Variants in PRR5L observed in about 807,000 individuals in gnomAD.
PRR5L encodes the protein proline rich 5 like.
Under a neutral mutation model 36.4 loss-of-function variants are expected in PRR5L, and 21 were observed. The ratio of observed to expected loss-of-function variants is 0.58; its 90% CI spans 0.41 to 0.83. PRR5L has a LOEUF of 0.83. PRR5L is among the 40% of genes least tolerant of loss of function. The pLI is 0.00. For missense variants in PRR5L, 381 were observed against 473.3 expected, an observed-to-expected ratio of 0.80 and a Z score of 1.81; for synonymous variants, 188 against 197.0, an observed-to-expected ratio of 0.95 and a Z score of 0.38.
At chr11:36,438,155 T>A (rs1858643812) in intron 6 of PRR5L, among the ~76,000 whole-genome samples, 1 of 152,200 alleles carries the variant, frequency 6.6e-6, no homozygotes, top group African/African-American at 2.4e-5. Flanking sequence ...CCCCCTTGTC[T>A]CTGTAGAGCT....
At chr11:36,378,650 G>GAAAT (rs1220586575) in intron 1 of PRR5L, among the ~76,000 whole-genome samples, 2 of 152,152 alleles carry the variant, frequency 1.3e-5, no homozygotes, top group Non-Finnish European at 1.5e-5. Context: ...TTCTGTGGGT[G>GAAAT]AAATTTCAAT....
At chr11:36,437,599 A>G (rs1459165078) in intron 6 of PRR5L, 123 bp downstream of exon 6, 2 of 628,774 alleles carry the variant, frequency 3.2e-6, no homozygotes, top group Admixed American at 5.9e-5. Flanking sequence ...TGTATTGGTT[A>G]AGGAGTTTAG....
At chr11:36,394,665 T>C (rs982309851) in intron 1 of PRR5L, among the ~76,000 whole-genome samples, 1 of 152,224 alleles carries the variant, frequency 6.6e-6, no homozygotes, top group Admixed American at 6.5e-5. Context: ...TCTCTATGCG[T>C]GTCTGTGTCT....
chr11:36,358,719 A>T lies in PRR5L; in HGVS notation c.-125-42278A>T, dbSNP rs531103632. ...CAGTAACTGTCAGGAAAGAAATAGA[A>T]TTACAACTACAAGGAGTAGCCAGCC... On this transcript the variant is annotated intron_variant, in intron 1 of 8. Transcript: ENST00000530639. Among the ~76,000 whole-genome samples, 16 of 152,332 alleles carry T rather than the reference A, an allele frequency of 1.1e-4. No individual in the cohort carries two copies. In the East Asian group the frequency reaches 2.9e-3, roughly 28 times the overall value.
rs117606012 is a variant in PRR5L at position 36,391,451 on chromosome 11, G to A, written c.-125-9546G>A. 3.8e-3 allele frequency among the ~76,000 whole-genome samples: 581 copies of A among 152,304 alleles called. 1 individual carries two copies. The highest frequency in any genetic ancestry group is 0.017 in the Middle Eastern group (5 of 294). Reference sequence around the variant, plus strand: ...TTTTGATGAAACTCATATAAGCTGAGTGTTAGCAAGGCCTGTGATACCTCC... The same window carrying A: ...TTTTGATGAAACTCATATAAGCTGAATGTTAGCAAGGCCTGTGATACCTCC... On this transcript the variant is annotated intron_variant, in intron 1 of 8. Coordinates refer to ENST00000530639, the MANE Select transcript of PRR5L (RefSeq NM_001160167.2).
In PRR5L at chr11:36,462,753, C is replaced by T. The variant is rs1859218926; in HGVS notation, c.*17C>T. ...CTCAGCTGAGTCGCCACCCCTGGGC[C>T]TTTCCATCTCCTGTTTTGCAACCAG... On this transcript the variant is annotated 3_prime_UTR_variant, in exon 9 of 9. Coordinates refer to ENST00000530639, the MANE Select transcript of PRR5L (RefSeq NM_001160167.2). 2.0e-6 allele frequency: 3 copies of T among 1,515,384 alleles called. No individual in the cohort carries two copies. The highest frequency in any genetic ancestry group is 1.8e-6 in the Non-Finnish European group (2 of 1,132,634). The allele number at this position is 1,515,384 out of a possible 1,614,324, so 93.9% of individuals were successfully genotyped here. A position where few individuals can be genotyped will look rare whatever the true frequency, so the allele number is the denominator to read the frequency against.
chr11:36,362,831 A>G (rs1347373901), intron 1 of PRR5L, among the ~76,000 whole-genome samples: 1 of 152,058 alleles, frequency 6.6e-6, no homozygotes, highest in African/African-American at 2.4e-5. Context: ...GATCACTGTA[A>G]CAAGAGGAGG....
intron 1 of PRR5L, among the ~76,000 whole-genome samples, chr11:36,384,996 C>G (rs1468373717): frequency 1.3e-5 from 2 of 152,052 alleles, no homozygotes; most frequent in African/African-American, 2.4e-5. Context: ...ATGAAAAAAC[C>G]ATTTTATCTT....
chr11:36,340,962 AG>A (rs1429480436), intron 1 of PRR5L, among the ~76,000 whole-genome samples: 2 of 152,324 alleles, frequency 1.3e-5, no homozygotes, highest in East Asian at 3.9e-4. Flanking sequence ...CATGGAACAG[AG>A]GGAATTAATT....
intron 1 of PRR5L, among the ~76,000 whole-genome samples, chr11:36,305,424 C>T (rs1227873203): frequency 6.6e-6 from 1 of 152,040 alleles, no homozygotes; most frequent in East Asian, 1.9e-4. Context: ...ATGAAGTTTC[C>T]TTTTTGGGGT....
chr11:36,356,659 A>G (rs1333579095), intron 1 of PRR5L, among the ~76,000 whole-genome samples: 4 of 152,050 alleles, frequency 2.6e-5, no homozygotes, highest in African/African-American at 9.7e-5. Flanking sequence ...AGTTATGGTG[A>G]TCTATCATCA....
At chr11:36,414,310 AC>A (rs1858093838) in intron 3 of PRR5L, among the ~76,000 whole-genome samples, 1 of 149,432 alleles carries the variant, frequency 6.7e-6, no homozygotes, top group Non-Finnish European at 1.5e-5. Context: ...CAATGGTTGA[AC>A]TAGTTTACAG....
intron 1 of PRR5L, chr11:36,362,260 C>T (rs1378489079): frequency 6.6e-6 from 1 of 151,858 alleles, no homozygotes; most frequent in Non-Finnish European, 1.5e-5. Context: ...TCTTATGACT[C>T]TGACTCACTG....
chr11:36,455,882 G>GC (rs1236385244), intron 8 of PRR5L, among the ~76,000 whole-genome samples: 2 of 152,214 alleles, frequency 1.3e-5, no homozygotes, highest in Non-Finnish European at 2.9e-5. Flanking sequence ...AACGCTGTCT[G>GC]CCCGGGGGAC....
intron 8 of PRR5L, among the ~76,000 whole-genome samples, chr11:36,458,432 C>G (rs1360639251): frequency 6.6e-6 from 1 of 152,224 alleles, no homozygotes; most frequent in Non-Finnish European, 1.5e-5. Context: ...TGGGAACACA[C>G]TCTACACTCT....
chr11:36,417,875 C>G (rs1858179966), intron 3 of PRR5L, among the ~76,000 whole-genome samples: 1 of 152,120 alleles, frequency 6.6e-6, no homozygotes, highest in South Asian at 2.1e-4. Flanking sequence ...ATGGGATGAG[C>G]AAAGAAAGTC....
At chr11:36,460,483 A>T (rs1052016444) in intron 8 of PRR5L, among the ~76,000 whole-genome samples, 1 of 150,830 alleles carries the variant, frequency 6.6e-6, no homozygotes, top group Non-Finnish European at 1.5e-5. Flanking sequence ...GTTCTGTAGT[A>T]TCTCTGTAGT....
At chr11:36,298,461 C>T (rs1186017097) in intron 1 of PRR5L, among the ~76,000 whole-genome samples, 1 of 152,154 alleles carries the variant, frequency 6.6e-6, no homozygotes, top group African/African-American at 2.4e-5. Context: ...GACAGATCAT[C>T]AGGCATTAGA....
At position 36,389,727 on chromosome 11, in the gene PRR5L, C is replaced by T. The variant is rs1050728593; in HGVS notation, c.-125-11270C>T. ...TTCTGGGTTCAAGCAATTCTCCTGC[C>T]TCAGCCCCCTGAGTAGCTGGGATTA... On this transcript the variant is annotated intron_variant, in intron 1 of 8. Coordinates refer to ENST00000530639, the MANE Select transcript of PRR5L (RefSeq NM_001160167.2). 6.6e-5 allele frequency among the ~76,000 whole-genome samples: 10 copies of T among 151,948 alleles called. No individual in the cohort carries two copies. The South Asian group carries it at 2.1e-3, about 31-fold the overall frequency.
Sources: gnomAD v4.1 joint callset for allele counts (sites outside exome capture counted in the v4.1 genomes callset) on GRCh38, gnomAD v4.1.1 for gene constraint, MANE v1.5 for transcripts, NCBI Gene and HGNC (gene_info 2026-07-23, HGNC 2026-07-21) for gene names.